KDM4B: variants seen among roughly 807,000 people sequenced by gnomAD.
KDM4B encodes the protein lysine-specific demethylase 4B.
Under a neutral mutation model 125.2 loss-of-function variants are expected in KDM4B, and 32 were observed. That is an observed-to-expected ratio of 0.26 (90% CI 0.19 to 0.34). The LOEUF (loss-of-function observed/expected upper bound fraction) is 0.34. Among genes scored for constraint, KDM4B ranks in the 10% least tolerant of loss-of-function variants. The pLI, the probability that KDM4B is intolerant of heterozygous loss-of-function variation, is 1.00. For synonymous variants in KDM4B, 721 were observed against 677.9 expected, an observed-to-expected ratio of 1.06 and a Z score of -0.99; for missense variants, 1,190 against 1,577.7, an observed-to-expected ratio of 0.75 and a Z score of 4.16.
At chr19:4,995,155 C>T (rs997244147) in intron 1 of KDM4B, among the ~76,000 whole-genome samples, 12 of 152,146 alleles carry the variant, frequency 7.9e-5, no homozygotes, top group African/African-American at 1.7e-4. Context: ...CCCACTGTCT[C>T]GGGAGCAGGG....
chr19:5,051,479 G>A (rs2037221437), intron 6 of KDM4B, among the ~76,000 whole-genome samples: 2 of 152,280 alleles, frequency 1.3e-5, no homozygotes, highest in African/African-American at 4.8e-5. Flanking sequence ...TCTCACTGCA[G>A]CAGGGAAGCC....
At chr19:5,044,010 A>G (rs1599488403) in intron 5 of KDM4B, among the ~76,000 whole-genome samples, 1 of 92,408 alleles carries the variant, frequency 1.1e-5, no homozygotes. Flanking sequence ...TGTTTATCGG[A>G]GTGGGGTGTC....
At chr19:5,131,590 T>TGGTGGCGGGGGAGG (rs2039551461) in intron 12 of KDM4B, 45 bp downstream of exon 12, 4 of 84,824 alleles carry the variant, frequency 4.7e-5, no homozygotes, top group East Asian at 2.9e-4. Flanking sequence ...GCAGGTGGGG[T>TGGTGGCGGGGGAGG]GGGGCAGGGG....
intron 1 of KDM4B, among the ~76,000 whole-genome samples, chr19:4,983,071 A>G (rs567584954): frequency 1.3e-5 from 2 of 151,292 alleles, no homozygotes; most frequent in East Asian, 3.9e-4. Flanking sequence ...CAGTTTTATC[A>G]TTTCAGCATG....
At chr19:5,006,012 G>T (rs371114056) in intron 1 of KDM4B, among the ~76,000 whole-genome samples, 17 of 152,314 alleles carry the variant, frequency 1.1e-4, no homozygotes, top group African/African-American at 3.4e-4. Context: ...TCTGGGGGCT[G>T]TGGGGGTCCT....
At chr19:5,000,806 G>A (rs969086210) in intron 1 of KDM4B, among the ~76,000 whole-genome samples, 4 of 152,076 alleles carry the variant, frequency 2.6e-5, no homozygotes, top group African/African-American at 9.7e-5. Flanking sequence ...GCTGATTTTA[G>A]TTGCCTGTTG....
rs188951662 is a variant in KDM4B, at chr19:5,093,843, A to G, written c.918+11339A>G. The stretch of plus-strand genomic sequence containing the variant: ...CCAGGGAGGAGACAGGACACGAACA[A>G]GGGTGGAAGGAGGAATTTCTGCTCC... On this transcript the variant is annotated intron_variant, in intron 9 of 22. Coordinates refer to ENST00000159111, the MANE Select transcript of KDM4B (RefSeq NM_015015.3). Among the ~76,000 whole-genome samples the G allele has an allele frequency of 5.4e-3, 817 of 152,320 alleles. 5 individuals carry two copies. The highest frequency in any genetic ancestry group is 0.018 in the African/African-American group (766 of 41,568).
At chr19:5,071,128 C>T (rs1195208682) in intron 7 of KDM4B, 69 bp downstream of exon 7, 9 of 1,450,110 alleles carry the variant, frequency 6.2e-6, no homozygotes, top group Admixed American at 1.8e-5. Flanking sequence ...TGGGGAAGGG[C>T]AGCTGGCGTC....
At chr19:5,095,316 C>T (rs2038798632) in intron 9 of KDM4B, among the ~76,000 whole-genome samples, 1 of 152,188 alleles carries the variant, frequency 6.6e-6, no homozygotes, top group East Asian at 1.9e-4. Flanking sequence ...TTTATCGGAC[C>T]ACATATAATC....
intron 8 of KDM4B, 88 bp downstream of exon 8, chr19:5,077,558 T>C (rs534594170): frequency 9.0e-7 from 1 of 1,112,494 alleles, no homozygotes; most frequent in Middle Eastern, 2.0e-4. Flanking sequence ...GGAGATAAGC[T>C]GTTTAACCCT....
In KDM4B at chr19:5,142,701, A is replaced by G. The variant is rs570390976; in HGVS notation, c.2551-1266A>G. On this transcript the variant is annotated intron_variant, in intron 18 of 22. Coordinates refer to ENST00000159111, the MANE Select transcript of KDM4B (RefSeq NM_015015.3). This position sits in a 1 kb window ranked among gnomAD's most constrained non-coding sequence, Gnocchi z 5.4. ...CAGCCTCCACTCCTACACACTGGCT[A>G]CTCTGCCGGAGGGGGAGGCCGTGCT... Among the ~76,000 whole-genome samples, 2 of 151,232 alleles carry G rather than the reference A, an allele frequency of 1.3e-5. No homozygotes were observed. The highest frequency in any genetic ancestry group is 1.3e-4 in the Admixed American group (2 of 15,182).
intron 11 of KDM4B, among the ~76,000 whole-genome samples, chr19:5,127,109 C>T (rs895306148): frequency 6.6e-6 from 1 of 152,132 alleles, no homozygotes; most frequent in African/African-American, 2.4e-5. Flanking sequence ...TCCCTCCACC[C>T]AAAAAGAGTG....
chr19:5,021,751 A>G (rs1168364562), intron 2 of KDM4B, among the ~76,000 whole-genome samples: 1 of 149,250 alleles, frequency 6.7e-6, no homozygotes, highest in Non-Finnish European at 1.5e-5. Context: ...TTCCTGCCTC[A>G]GCCTCCCGAG....
At chr19:5,023,758 ATT>A (rs148293792) in intron 2 of KDM4B, among the ~76,000 whole-genome samples, 9 of 89,104 alleles carry the variant, frequency 1.0e-4, no homozygotes, top group Admixed American at 1.5e-4. Flanking sequence ...GTCTTTTTGA[ATT>A]TTTTTTTTTT....
intron 1 of KDM4B, among the ~76,000 whole-genome samples, chr19:4,980,413 TTTTC>T (rs1187675847): frequency 2.1e-5 from 3 of 142,822 alleles, no homozygotes; most frequent in African/African-American, 2.6e-5. Context: ...GCCTTGTCCC[TTTTC>T]TTTCTTTTTT....
chr19:5,101,512 A>G (rs1441177882), intron 9 of KDM4B, among the ~76,000 whole-genome samples: 6 of 151,890 alleles, frequency 4.0e-5, no homozygotes, highest in East Asian at 3.9e-4. Context: ...CAGCCTGAGC[A>G]ATAGAGTAAG....
rs183210973 is a variant in KDM4B at position 4,971,609 on chromosome 19, C to G, written c.-109+2379C>G. ...TCCAGTGCCGAGTGCCATGCCGGGA[C>G]AGGTTGGGAGGAGTCCCTGGCTCCT... On this transcript the variant is annotated intron_variant, in intron 1 of 22. Coordinates refer to ENST00000159111, the MANE Select transcript of KDM4B (RefSeq NM_015015.3). The surrounding 1 kb of genome is among the most constrained non-coding windows in gnomAD (Gnocchi z 4.1). Among the ~76,000 whole-genome samples, 64 of 152,218 alleles carry G rather than the reference C, an allele frequency of 4.2e-4. No individual in the cohort carries two copies. Among genetic ancestry groups the G allele is most frequent in the African/African-American group, 1.3e-3 (56 of 41,534 alleles).
intron 2 of KDM4B, among the ~76,000 whole-genome samples, chr19:5,026,222 C>T (rs571348460): frequency 6.6e-6 from 1 of 150,486 alleles, no homozygotes; most frequent in African/African-American, 2.4e-5. Context: ...CTCCCAGCTT[C>T]CTCTGCGGTC....
At position 4,971,064 on chromosome 19, in the gene KDM4B, T is replaced by G. The variant is rs2034241299; in HGVS notation, c.-109+1834T>G. Among the ~76,000 whole-genome samples, 1 of 152,182 alleles carries G rather than the reference T, an allele frequency of 6.6e-6. No individual in the cohort carries two copies. The highest frequency in any genetic ancestry group is 1.5e-5 in the Non-Finnish European group (1 of 68,032). Reference sequence around the variant, plus strand: ...TGGAAGCGTCTACTGTGTCAGGAGCTGCGGGTGCCTGCGTGTGCACGTGTG... The same window carrying G: ...TGGAAGCGTCTACTGTGTCAGGAGCGGCGGGTGCCTGCGTGTGCACGTGTG... On this transcript the variant is annotated intron_variant, in intron 1 of 22. Transcript: ENST00000159111. This position sits in a 1 kb window ranked among gnomAD's most constrained non-coding sequence, Gnocchi z 4.1.
Sources: allele counts gnomAD v4.1 joint callset (sites outside exome capture counted in the v4.1 genomes callset), GRCh38; gene constraint gnomAD v4.1.1; non-coding constraint Gnocchi (gnomAD v3.1); transcripts MANE v1.5; gene names NCBI Gene and HGNC (gene_info 2026-07-23, HGNC 2026-07-21).